Variants in TMTC1 observed in about 807,000 individuals in gnomAD.
TMTC1 encodes protein O-mannosyl-transferase TMTC1.
A neutral mutation model predicts 104.8 loss-of-function variants in TMTC1; 73 were observed. The ratio of observed to expected loss-of-function variants is 0.70; its 90% CI spans 0.58 to 0.85. TMTC1 has a LOEUF of 0.85. TMTC1 is among the 40% of genes least tolerant of loss of function. TMTC1 has a pLI of 0.00. For missense variants in TMTC1, 1,035 were observed against 1,096.1 expected (o/e 0.94, Z 0.79); for synonymous variants, 434 against 428.7 (o/e 1.01, Z -0.15).
rs563013538 is a variant in TMTC1 at position 29,742,888 on chromosome 12, C to T, written c.938+8778G>A. On this transcript the variant is annotated intron_variant, in intron 5 of 17. Coordinates refer to ENST00000539277, the MANE Select transcript of TMTC1 (RefSeq NM_001193451.2). The stretch of plus-strand genomic sequence containing the variant: ...CTCATAAAATGAGGTAACCACATAC[C>T]ATAAAGTCAAACAAAGACTATACAA... 2.0e-5 allele frequency among the ~76,000 whole-genome samples: 3 copies of T among 152,252 alleles called. No individual in the cohort carries two copies. In the South Asian group the frequency reaches 6.2e-4, roughly 31 times the overall value.
intron 6 of TMTC1, among the ~76,000 whole-genome samples, chr12:29,611,917 GC>G (rs1466423685): frequency 1.3e-5 from 2 of 152,096 alleles, no homozygotes; most frequent in African/African-American, 4.8e-5. Context: ...ACTTAAATGG[GC>G]CCACTGAAGC....
chr12:29,584,837 C>T (rs1198961364), intron 7 of TMTC1, among the ~76,000 whole-genome samples: 1 of 150,548 alleles, frequency 6.6e-6, no homozygotes, highest in Non-Finnish European at 1.5e-5. Flanking sequence ...TCCAGTCTAT[C>T]ATTGTTGGAC....
Position 29,518,588 on chromosome 12 carries a change from C to T in TMTC1, c.1908G>A (p.Val636=), listed in dbSNP as rs1261686348. Residue 636 remains valine, a synonymous_variant, in exon 13 of 18, where the codon GTG becomes GTA. Coordinates refer to ENST00000539277, the MANE Select transcript of TMTC1 (RefSeq NM_001193451.2). ...GTTTGATGGCCTGCTGGTAATGGGC[C>T]ACTGCCTTTTCTGGTAAGCCTGTAA... The part of the protein sequence containing the change: ...LVDTGLPEKA[V]AHYQQAIKLS... The T allele has an allele frequency of 6.2e-7, 1 of 1,614,082 alleles. No individual in the cohort carries two copies. The highest frequency in any genetic ancestry group is 1.1e-5 in the South Asian group (1 of 91,082).
At chr12:29,754,945 G>A (rs1388983352) in intron 4 of TMTC1, among the ~76,000 whole-genome samples, 1 of 152,114 alleles carries the variant, frequency 6.6e-6, no homozygotes, top group Non-Finnish European at 1.5e-5. Context: ...ATTTGATACG[G>A]CAGGGGAATA....
chr12:29,704,316 TA>T (rs542061163), intron 5 of TMTC1, among the ~76,000 whole-genome samples: 60 of 152,288 alleles, frequency 3.9e-4, no homozygotes, highest in Admixed American at 2.1e-3. Context: ...CATCAAAAAC[TA>T]AAGTGGCTCA....
intron 5 of TMTC1, among the ~76,000 whole-genome samples, chr12:29,728,954 C>G (rs890834809): frequency 1.9e-4 from 28 of 145,130 alleles, no homozygotes; most frequent in African/African-American, 7.2e-4. Context: ...ACTGAGATCA[C>G]ACCACTGCAC....
At chr12:29,782,286 T>C (rs2120692894) in intron 1 of TMTC1, among the ~76,000 whole-genome samples, 1 of 152,366 alleles carries the variant, frequency 6.6e-6, no homozygotes, top group Middle Eastern at 3.4e-3. Flanking sequence ...AAACTTTCAG[T>C]GGAAGACGTA....
chr12:29,662,299 C>T (rs1940066872), intron 5 of TMTC1, among the ~76,000 whole-genome samples: 1 of 152,078 alleles, frequency 6.6e-6, no homozygotes, highest in Non-Finnish European at 1.5e-5. Flanking sequence ...GTAAGAAATC[C>T]TTTTGTAAAA....
In TMTC1 at chr12:29,556,888, G is replaced by A. The variant is rs746196137; in HGVS notation, c.1645C>T (p.Arg549Trp). The A allele has an allele frequency of 4.3e-6, 7 of 1,614,140 alleles. No homozygotes were observed. The highest frequency in any genetic ancestry group is 2.2e-5 in the South Asian group (2 of 91,086). The change falls in exon 10 of 18, where the codon CGG (arginine) becomes TGG (tryptophan). Residue 549 changes from arginine to tryptophan, a missense_variant. Physicochemically the swap from Arg to Trp is moderately radical, Grantham distance 101. Coordinates refer to ENST00000539277, the MANE Select transcript of TMTC1 (RefSeq NM_001193451.2). The part of the protein sequence containing the change: ...RALQLHPQHN[R>W]ALFNLGNLLK... The stretch of plus-strand genomic sequence containing the variant: ...AGATTCCCCAGATTGAAAAGAGCCC[G>A]GTTATGCTGTGGATGGAGCTGGAGA...
chr12:29,750,229 C>T (rs1260858191), intron 5 of TMTC1, among the ~76,000 whole-genome samples: 1 of 152,068 alleles, frequency 6.6e-6, no homozygotes, highest in African/African-American at 2.4e-5. Context: ...ATCCTCAAGC[C>T]TGGAACCCTC....
chr12:29,505,625 G>A lies in TMTC1; in HGVS notation c.*1221C>T, dbSNP rs1565630227. ...ATATATTAAATATTTTATAAGTTAT[G>A]AAATAAATAACACTAAAAATAAATG... is the stretch of plus-strand genomic sequence containing the variant. On this transcript the variant is annotated 3_prime_UTR_variant, in exon 18 of 18. Transcript: ENST00000539277. 6.6e-6 allele frequency: 1 copy of A among 151,990 alleles called. No individual in the cohort carries two copies. The highest frequency in any genetic ancestry group is 6.6e-5 in the Admixed American group (1 of 15,258). The allele number at this position is 151,990 out of a possible 1,614,324, so 9.4% of individuals were successfully genotyped here.
At chr12:29,621,389 T>C (rs574904987) in intron 6 of TMTC1, among the ~76,000 whole-genome samples, 9 of 152,378 alleles carry the variant, frequency 5.9e-5, no homozygotes, top group Non-Finnish European at 1.3e-4. Context: ...TATGGATCTA[T>C]GGTAGTACAA....
Position 29,516,365 on chromosome 12 carries a change from T to C in TMTC1, c.2291A>G (p.Gln764Arg). ...CTTCTTTACCTTGTCGTGGTTCTCC[T>C]GCTTGCTATAGATGGCTGACAAGAG... ...YRLLSAIYSK[Q>R]ENHDKALDAI... Residue 764 changes from glutamine (Q) to arginine (R), a missense_variant, in exon 15 of 18, where the codon CAG becomes CGG. By Grantham distance (43) the Gln-to-Arg change is conservative. Transcript: ENST00000539277. The C allele has an allele frequency of 6.2e-7, 1 of 1,613,616 alleles. No homozygotes were observed. The highest frequency in any genetic ancestry group is 8.5e-7 in the Non-Finnish European group (1 of 1,179,684).
chr12:29,727,693 T>A (rs975933175), intron 5 of TMTC1, among the ~76,000 whole-genome samples: 1 of 152,162 alleles, frequency 6.6e-6, no homozygotes, highest in African/African-American at 2.4e-5. Context: ...TTATTTTGAA[T>A]GTCAAATATT....
intron 7 of TMTC1, among the ~76,000 whole-genome samples, chr12:29,594,964 T>G (rs989079621): frequency 3.3e-5 from 5 of 152,210 alleles, no homozygotes; most frequent in Non-Finnish European, 5.9e-5. Context: ...CCTATATTTA[T>G]GTTTCTTTGA....
rs962248443 is a variant in TMTC1, at chr12:29,576,293, G to A, written c.1419-4075C>T. ...GTGTATTTGTGATTTTGCTGCCTGC[G>A]CTCTTAGTGTTGTATCAAAAAATTC... On this transcript the variant is annotated intron_variant, in intron 8 of 17. Coordinates refer to ENST00000539277, the MANE Select transcript of TMTC1 (RefSeq NM_001193451.2). 3.3e-5 allele frequency among the ~76,000 whole-genome samples: 5 copies of A among 152,042 alleles called. No homozygotes were observed. The East Asian group carries it at 5.8e-4, about 18-fold the overall frequency.
chr12:29,600,009 T>TATATATATATATATA (rs1555174500), intron 7 of TMTC1, among the ~76,000 whole-genome samples: 29 of 71,754 alleles, frequency 4.0e-4, no homozygotes, highest in African/African-American at 1.0e-3. Context: ...TATATATATA[T>TATATATATATATATA]TTTTTTTTTT....
chr12:29,648,635 C>T (rs1433376577), intron 5 of TMTC1, among the ~76,000 whole-genome samples: 3 of 152,044 alleles, frequency 2.0e-5, no homozygotes, highest in Non-Finnish European at 4.4e-5. Context: ...CTCCTTCTGG[C>T]GTGGGGTCAA....
intron 5 of TMTC1, chr12:29,640,899 G>C (rs1476810471): frequency 6.6e-6 from 1 of 152,240 alleles, no homozygotes; most frequent in African/African-American, 2.4e-5. Context: ...GGTTGTTGAG[G>C]GGGGCATGGT....
Sources: allele counts gnomAD v4.1 joint callset (sites outside exome capture counted in the v4.1 genomes callset), GRCh38; gene constraint gnomAD v4.1.1; transcripts MANE v1.5; gene names NCBI Gene and HGNC (gene_info 2026-07-23, HGNC 2026-07-21).